The following DTD1 variants were observed in gnomAD, a reference collection of about 807,000 sequenced individuals.
DTD1 encodes D-aminoacyl-tRNA deacylase 1.
In DTD1, 13 loss-of-function variants were observed where a neutral mutation model predicts 25.6. The ratio of observed to expected loss-of-function variants is 0.51; its 90% CI spans 0.33 to 0.81. The LOEUF (loss-of-function observed/expected upper bound fraction) is 0.81. Ranked by LOEUF, DTD1 falls within the 30% of genes least tolerant of loss-of-function variation. The pLI, the probability that DTD1 is intolerant of heterozygous loss-of-function variation, is 0.02. For synonymous variants in DTD1, 110 were observed against 103.6 expected, an observed-to-expected ratio of 1.06 and a Z score of -0.37; for missense variants, 193 against 266.4, an observed-to-expected ratio of 0.72 and a Z score of 1.92.
intron 4 of DTD1, among the ~76,000 whole-genome samples, chr20:18,741,784 A>G (rs915568260): frequency 2.0e-5 from 3 of 151,906 alleles, no homozygotes; most frequent in African/African-American, 7.3e-5. Flanking sequence ...GTGCAGTGAC[A>G]TGATCTCAAC....
chr20:18,628,016 A>T, intron 3 of DTD1, 111 bp from the exon 4 acceptor site: 1 of 858,938 alleles, frequency 1.2e-6, no homozygotes, highest in Non-Finnish European at 1.8e-6. Context: ...TAAGTTTCCC[A>T]GTATTGAGTA....
intron 4 of DTD1, among the ~76,000 whole-genome samples, chr20:18,696,213 A>C (rs1190330629): frequency 6.6e-6 from 1 of 152,060 alleles, no homozygotes; most frequent in Non-Finnish European, 1.5e-5. Context: ...TGTGGGCCTC[A>C]TATGTCACCT....
chr20:18,661,132 A>G (rs996513895), intron 4 of DTD1, among the ~76,000 whole-genome samples: 12 of 152,082 alleles, frequency 7.9e-5, no homozygotes, highest in African/African-American at 2.9e-4. Flanking sequence ...TTATCACTCT[A>G]TCTTGATCAC....
At chr20:18,731,476 T>G (rs11700004) in intron 4 of DTD1, among the ~76,000 whole-genome samples, 21,914 of 152,228 alleles carry the variant, frequency 0.14, 1,690 homozygotes, top group Admixed American at 0.2. Context: ...TACCTGAAGG[T>G]GTATAATGAA....
intron 3 of DTD1, among the ~76,000 whole-genome samples, chr20:18,613,883 T>C (rs2060698486): frequency 6.6e-6 from 1 of 152,222 alleles, no homozygotes; most frequent in Non-Finnish European, 1.5e-5. Flanking sequence ...TGTGGGTATG[T>C]ACTGTTGCCC....
Position 18,614,247 on chromosome 20 carries a change from C to T in DTD1, c.371-13880C>T, listed in dbSNP as rs142271313. The stretch of plus-strand genomic sequence containing the variant: ...GAGCATCCCACATCCCTAGAAACCC[C>T]TAAGTCCTGGGCAAACTAGGATGGC... On this transcript the variant is annotated intron_variant, in intron 3 of 5. Coordinates refer to ENST00000377452, the MANE Select transcript of DTD1 (RefSeq NM_080820.6). Among the ~76,000 whole-genome samples the T allele has an allele frequency of 2.4e-3, 371 of 152,300 alleles. 7 individuals carry two copies. Among genetic ancestry groups the T allele is most frequent in the Admixed American group, 0.02 (304 of 15,300 alleles).
At chr20:18,648,766 G>A (rs761806050) in intron 4 of DTD1, among the ~76,000 whole-genome samples, 28 of 151,874 alleles carry the variant, frequency 1.8e-4, no homozygotes, top group Non-Finnish European at 3.5e-4. Flanking sequence ...TAAGGCCGAG[G>A]TGGGCGGATC....
At chr20:18,646,617 T>C (rs1291275884) in intron 4 of DTD1, among the ~76,000 whole-genome samples, 1 of 152,170 alleles carries the variant, frequency 6.6e-6, no homozygotes, top group Non-Finnish European at 1.5e-5. Context: ...GGTGTTTTCG[T>C]GTGTCAGGTT....
intron 4 of DTD1, among the ~76,000 whole-genome samples, chr20:18,652,063 G>C (rs1458066066): frequency 6.6e-6 from 1 of 152,234 alleles, no homozygotes; most frequent in East Asian, 1.9e-4. Flanking sequence ...ATGGCAAAAA[G>C]ACCTGCAGTG....
At chr20:18,649,400 G>A (rs1486705627) in intron 4 of DTD1, among the ~76,000 whole-genome samples, 5 of 136,258 alleles carry the variant, frequency 3.7e-5, no homozygotes, top group African/African-American at 1.4e-4. Flanking sequence ...GTGCAGTGGC[G>A]CGATCTCCGC....
At chr20:18,688,041 C>T (rs2061024345) in intron 4 of DTD1, among the ~76,000 whole-genome samples, 1 of 152,156 alleles carries the variant, frequency 6.6e-6, no homozygotes, top group African/African-American at 2.4e-5. Flanking sequence ...ATGCCAGCGG[C>T]TAGTTTCAAA....
chr20:18,633,827 A>G (rs1433389290), intron 4 of DTD1, among the ~76,000 whole-genome samples: 1 of 152,228 alleles, frequency 6.6e-6, no homozygotes, highest in Non-Finnish European at 1.5e-5. Context: ...GGTAAAGGTA[A>G]CCAGCAGTTT....
chr20:18,701,035 AT>A (rs1381721146), intron 4 of DTD1, among the ~76,000 whole-genome samples: 2 of 152,144 alleles, frequency 1.3e-5, no homozygotes, highest in African/African-American at 4.8e-5. Flanking sequence ...ATGTTAACTG[AT>A]TTTTCATTTA....
At chr20:18,642,839 A>G (rs531336044) in intron 4 of DTD1, 5 of 160,238 alleles carry the variant, frequency 3.1e-5, no homozygotes, top group Admixed American at 6.4e-5. Flanking sequence ...TTCTCTGAAG[A>G]TGAAATCTAG....
intron 4 of DTD1, among the ~76,000 whole-genome samples, chr20:18,718,774 G>A (rs2061191530): frequency 6.6e-6 from 1 of 152,142 alleles, no homozygotes; most frequent in Non-Finnish European, 1.5e-5. Context: ...AAAGACACCA[G>A]CTATTAGTTA....
rs2061136236 is a variant in DTD1, at chr20:18,708,219, A to ATATATATAT, written c.478-35880_478-35872dup. Among the ~76,000 whole-genome samples, 4 of 40,710 alleles carry ATATATATAT rather than the reference A, an allele frequency of 9.8e-5. 1 individual carries two copies. The highest frequency in any genetic ancestry group is 2.0e-4 in the African/African-American group (2 of 10,246). 26.7% of individuals were successfully genotyped at this position (40,710 alleles called of 152,430 possible). A position where few individuals can be genotyped will look rare whatever the true frequency, so the allele number is the denominator to read the frequency against. Reference sequence around the variant, plus strand: ...ATTATATATATATTTTATATATATAATATATATATATTTTATATATATATA... The same window carrying ATATATATAT: ...ATTATATATATATTTTATATATATAATATATATATTATATATATATTTTATATATATATA... On this transcript the variant is annotated intron_variant, in intron 4 of 5. Coordinates refer to ENST00000377452, the MANE Select transcript of DTD1 (RefSeq NM_080820.6).
chr20:18,713,368 A>C (rs979806826), intron 4 of DTD1, among the ~76,000 whole-genome samples: 3 of 152,212 alleles, frequency 2.0e-5, no homozygotes, highest in Non-Finnish European at 4.4e-5. Flanking sequence ...AAATCTTCCC[A>C]GGGTTTCTAT....
At chr20:18,720,981 C>G (rs1044116845) in intron 4 of DTD1, among the ~76,000 whole-genome samples, 13 of 152,152 alleles carry the variant, frequency 8.5e-5, no homozygotes, top group Non-Finnish European at 4.4e-5. Flanking sequence ...AATCTGTGAC[C>G]TGCAGATTCC....
At chr20:18,616,012 T>C (rs1419687647) in intron 3 of DTD1, among the ~76,000 whole-genome samples, 1 of 152,224 alleles carries the variant, frequency 6.6e-6, no homozygotes, top group Non-Finnish European at 1.5e-5. Flanking sequence ...TGAGTGAACT[T>C]TCAGTGGAAG....
Sources: gnomAD v4.1 joint callset for allele counts (sites outside exome capture counted in the v4.1 genomes callset) on GRCh38, gnomAD v4.1.1 for gene constraint, MANE v1.5 for transcripts, NCBI Gene and HGNC (gene_info 2026-07-23, HGNC 2026-07-21) for gene names.